ARSB: variants seen among roughly 807,000 people sequenced by gnomAD.
ARSB encodes the protein arylsulfatase B.
In ARSB, 41 loss-of-function variants were observed where a neutral mutation model predicts 50.9. That is an observed-to-expected ratio of 0.81 (90% CI 0.63 to 1.04). The LOEUF is 1.04. Ranked by LOEUF, ARSB falls within the 50% of genes least tolerant of loss-of-function variation. The pLI, the probability that ARSB is intolerant of heterozygous loss-of-function variation, is 0.00. For synonymous variants in ARSB, 269 were observed against 284.8 expected (o/e 0.94, Z 0.56); for missense variants, 672 against 693.3 (o/e 0.97, Z 0.35).
chr5:78,785,964 T>A (rs1279250988), intron 6 of ARSB, among the ~76,000 whole-genome samples: 1 of 152,210 alleles, frequency 6.6e-6, no homozygotes. Flanking sequence ...ATAAGAGGAA[T>A]TTAAATATAT....
intron 4 of ARSB, among the ~76,000 whole-genome samples, chr5:78,906,680 A>AC (rs1361726950): frequency 6.6e-6 from 1 of 152,212 alleles, no homozygotes; most frequent in African/African-American, 2.4e-5. Flanking sequence ...CGAAAACCTC[A>AC]ATTACTTTAG....
At position 78,841,171 on chromosome 5, in the gene ARSB, A is replaced by ACTACTACTACTAC. The variant is rs1554074366; in HGVS notation, c.1143-1746_1143-1745insGTAGTAGTAGTAG. On this transcript the variant is annotated intron_variant, in intron 5 of 7. Coordinates refer to ENST00000264914, the MANE Select transcript of ARSB (RefSeq NM_000046.5). ...ACTACTACTACTACTACTACTACTA[A>ACTACTACTACTAC]TAATAATAATAATTTGAGCATGGTG... Among the ~76,000 whole-genome samples the ACTACTACTACTAC allele has an allele frequency of 6.6e-3, 408 of 62,004 alleles. 1 individual carries two copies. Among genetic ancestry groups the ACTACTACTACTAC allele is most frequent in the African/African-American group, 0.011 (197 of 18,130 alleles). The allele number at this position is 62,004 out of a possible 152,430, so 40.7% of individuals were successfully genotyped here.
At chr5:78,864,483 C>A (rs10942874) in intron 5 of ARSB, among the ~76,000 whole-genome samples, 34,948 of 152,054 alleles carry the variant, frequency 0.23, 4,795 homozygotes, top group Admixed American at 0.31. Context: ...CGGGTCCCTC[C>A]CATGACACAT....
chr5:78,977,397 G>A (rs1476568915), intron 1 of ARSB, among the ~76,000 whole-genome samples: 5 of 151,968 alleles, frequency 3.3e-5, no homozygotes, highest in South Asian at 2.1e-4. Flanking sequence ...CAGGTGATCC[G>A]CCTGCCTCGG....
intron 4 of ARSB, among the ~76,000 whole-genome samples, chr5:78,923,635 C>T (rs552870877): frequency 2.6e-5 from 4 of 152,344 alleles, no homozygotes; most frequent in Non-Finnish European, 5.9e-5. Context: ...AATAACATAC[C>T]TACCTCACAT....
chr5:78,906,656 G>A (rs184803144), intron 4 of ARSB, among the ~76,000 whole-genome samples: 2 of 150,544 alleles, frequency 1.3e-5, no homozygotes, highest in Admixed American at 1.3e-4. Context: ...TGGTGCAAAA[G>A]TAATTGCAGT....
At chr5:78,936,162 T>C (rs1161884450) in intron 4 of ARSB, among the ~76,000 whole-genome samples, 1 of 140,556 alleles carries the variant, frequency 7.1e-6, no homozygotes, top group East Asian at 2.2e-4. Flanking sequence ...TCTCACTCTA[T>C]TGCCCAGGCT....
intron 6 of ARSB, among the ~76,000 whole-genome samples, chr5:78,837,003 C>T (rs1744984775): frequency 6.6e-6 from 1 of 152,154 alleles, no homozygotes; most frequent in African/African-American, 2.4e-5. Context: ...ATCACAAGAA[C>T]AGCAAGGGGG....
intron 4 of ARSB, among the ~76,000 whole-genome samples, chr5:78,934,937 G>T (rs1159143241): frequency 6.6e-6 from 1 of 151,866 alleles, no homozygotes; most frequent in African/African-American, 2.4e-5. Flanking sequence ...ATATAATTTT[G>T]ATTTTTCTAG....
intron 6 of ARSB, among the ~76,000 whole-genome samples, chr5:78,837,236 CA>C (rs1300026901): frequency 6.6e-6 from 1 of 152,206 alleles, no homozygotes; most frequent in Non-Finnish European, 1.5e-5. Context: ...AAGACATTTA[CA>C]ACCATTATAA....
At chr5:78,844,080 T>C (rs1199368370) in intron 5 of ARSB, among the ~76,000 whole-genome samples, 1 of 152,174 alleles carries the variant, frequency 6.6e-6, no homozygotes, top group Non-Finnish European at 1.5e-5. Context: ...AGGAGTGGAA[T>C]TGCCAGGTCA....
intron 6 of ARSB, among the ~76,000 whole-genome samples, chr5:78,838,201 G>A (rs1322916204): frequency 4.6e-5 from 7 of 152,220 alleles, no homozygotes; most frequent in Admixed American, 3.9e-4. Flanking sequence ...ACAGGAAGGA[G>A]TGACTGCTCC....
intron 4 of ARSB, among the ~76,000 whole-genome samples, chr5:78,918,020 A>C (rs114890670): frequency 0.016 from 2,499 of 152,316 alleles, 39 homozygotes; most frequent in East Asian, 0.041. Flanking sequence ...TTCAACCCTA[A>C]AGACAATTCA....
At chr5:78,857,502 C>T (rs12186484) in intron 5 of ARSB, among the ~76,000 whole-genome samples, 55,940 of 151,992 alleles carry the variant, frequency 0.37, 11,257 homozygotes, top group Non-Finnish European at 0.45. Context: ...TAATGATAAA[C>T]GGGTTTTCAA....
In ARSB at chr5:78,830,160, C is replaced by A. The variant is rs369235141; in HGVS notation, c.1213+9196G>T. 1.4e-4 allele frequency among the ~76,000 whole-genome samples: 21 copies of A among 152,262 alleles called. No individual in the cohort carries two copies. In the East Asian group the frequency reaches 2.1e-3, roughly 15 times the overall value. On this transcript the variant is annotated intron_variant, in intron 6 of 7. Transcript: ENST00000264914. Reference sequence around the variant, plus strand: ...CTATGGCTAAAATTTCTAGGCTGTACCAGAATTAAAGAAAAGTAAGCAAAT... The same window carrying A: ...CTATGGCTAAAATTTCTAGGCTGTAACAGAATTAAAGAAAAGTAAGCAAAT...
chr5:78,922,826 G>C, intron 4 of ARSB, among the ~76,000 whole-genome samples: 1 of 151,924 alleles, frequency 6.6e-6, no homozygotes, highest in East Asian at 1.9e-4. Flanking sequence ...GTTTCACCAT[G>C]TTGACCAGGA....
chr5:78,849,270 A>C (rs1348883767), intron 5 of ARSB, among the ~76,000 whole-genome samples: 14 of 150,502 alleles, frequency 9.3e-5, no homozygotes, highest in South Asian at 6.4e-4. Context: ...ATCCAGTTTC[A>C]GCTTTCTACA....
chr5:78,902,930 T>A (rs1363624998), intron 4 of ARSB, among the ~76,000 whole-genome samples: 4 of 152,168 alleles, frequency 2.6e-5, no homozygotes, highest in Non-Finnish European at 5.9e-5. Flanking sequence ...ATGAATTATA[T>A]CTCAATAAAA....
chr5:78,913,274 G>C (rs1304664092), intron 4 of ARSB, among the ~76,000 whole-genome samples: 3 of 152,048 alleles, frequency 2.0e-5, no homozygotes, highest in Non-Finnish European at 4.4e-5. Context: ...ACAGGCGCCC[G>C]CCACCTCGCC....
Sources: gnomAD v4.1 joint callset for allele counts (sites outside exome capture counted in the v4.1 genomes callset) on GRCh38, gnomAD v4.1.1 for gene constraint, MANE v1.5 for transcripts, NCBI Gene and HGNC (gene_info 2026-07-23, HGNC 2026-07-21) for gene names.